GREB1L: variants seen among roughly 807,000 people sequenced by gnomAD.
GREB1L encodes the protein GREB1-like protein.
GREB1L carries 17 observed loss-of-function variants against 200.8 expected under a neutral mutation model. The observed-to-expected ratio is 0.08, with a 90% CI of 0.06 to 0.13. GREB1L has a LOEUF of 0.13. Ranked by LOEUF, GREB1L falls within the 10% of genes least tolerant of loss-of-function variation. The pLI, the probability that GREB1L is intolerant of heterozygous loss-of-function variation, is 1.00. For missense variants in GREB1L, 1,657 were observed against 2,367.7 expected, an observed-to-expected ratio of 0.70 and a Z score of 6.23; for synonymous variants, 789 against 893.0, an observed-to-expected ratio of 0.88 and a Z score of 2.08.
At chr18:21,315,647 A>G (rs1318455433) in intron 1 of GREB1L, among the ~76,000 whole-genome samples, 1 of 152,214 alleles carries the variant, frequency 6.6e-6, no homozygotes, top group African/African-American at 2.4e-5. Flanking sequence ...GGCCCAGGGC[A>G]AGAGGACACA....
chr18:21,332,878 C>T (rs1371566874), intron 1 of GREB1L, among the ~76,000 whole-genome samples: 10 of 151,948 alleles, frequency 6.6e-5, no homozygotes, highest in Admixed American at 5.2e-4. Context: ...CCCAGGAGTT[C>T]GAGACCAGCC....
intron 1 of GREB1L, among the ~76,000 whole-genome samples, chr18:21,323,970 A>G (rs1255735669): frequency 6.6e-6 from 1 of 152,214 alleles, no homozygotes; most frequent in East Asian, 1.9e-4. Context: ...AAACTAACCT[A>G]TGGATACACA....
In GREB1L at chr18:21,499,866, G is replaced by A. The variant is rs778363337; in HGVS notation, c.3529G>A (p.Gly1177Arg). ...GGTCTCCGCCAGCTCAGCTGGAGCC[G>A]GAGCCGGGGAGACTCTGAAGCAGGA... Reference protein sequence around the residue: ...EGVSASSAGAGAGETLKQECD... With the variant: ...EGVSASSAGARAGETLKQECD... Residue 1177 changes from glycine to arginine, a missense_variant, in exon 22 of 33, where the codon GGA becomes AGA. Physicochemically the swap from Gly to Arg is moderately radical, Grantham distance 125. Transcript: ENST00000424526. The A allele has an allele frequency of 1.9e-5, 29 of 1,550,540 alleles. No individual in the cohort carries two copies. The East Asian group carries it at 2.7e-4, about 14-fold the overall frequency.
chr18:21,485,202 A>G (rs888768461), intron 17 of GREB1L, among the ~76,000 whole-genome samples: 1 of 152,234 alleles, frequency 6.6e-6, no homozygotes, highest in Non-Finnish European at 1.5e-5. Flanking sequence ...TTATGAAATG[A>G]TGTCAGAAAA....
At chr18:21,345,020 C>T (rs1200377910) in intron 1 of GREB1L, among the ~76,000 whole-genome samples, 1 of 152,178 alleles carries the variant, frequency 6.6e-6, no homozygotes, top group Admixed American at 6.5e-5. Flanking sequence ...CCTGTACCCA[C>T]CTGCCCCTTT....
chr18:21,360,985 A>G (rs1000162814), intron 1 of GREB1L, among the ~76,000 whole-genome samples: 3 of 152,246 alleles, frequency 2.0e-5, no homozygotes, highest in Non-Finnish European at 4.4e-5. Context: ...TAACAAGGGT[A>G]GAATAAATCA....
intron 25 of GREB1L, among the ~76,000 whole-genome samples, chr18:21,507,549 T>C (rs928312710): frequency 6.6e-6 from 1 of 152,218 alleles, no homozygotes; most frequent in Non-Finnish European, 1.5e-5. Context: ...TGCAGCACTT[T>C]AAATGTAGGT....
chr18:21,507,582 G>A (rs2037066326), intron 25 of GREB1L, among the ~76,000 whole-genome samples: 1 of 152,192 alleles, frequency 6.6e-6, no homozygotes, highest in Non-Finnish European at 1.5e-5. Context: ...TGGCTTCAGT[G>A]AGTCAAATGG....
At chr18:21,413,143 A>G (rs1326043535) in intron 7 of GREB1L, among the ~76,000 whole-genome samples, 3 of 152,006 alleles carry the variant, frequency 2.0e-5, no homozygotes, top group Non-Finnish European at 4.4e-5. Context: ...GCCTTCCAAG[A>G]GTTTAGAGCT....
At position 21,499,820 on chromosome 18, in the gene GREB1L, C is replaced by T; in HGVS notation, c.3483C>T (p.Thr1161=). 6.4e-7 allele frequency: 1 copy of T among 1,551,848 alleles called. No homozygotes were observed. The highest frequency in any genetic ancestry group is 1.4e-5 in the African/African-American group (1 of 73,176). Residue 1161 remains threonine, a synonymous_variant, in exon 22 of 33, where the codon ACC becomes ACT. Coordinates refer to ENST00000424526, the MANE Select transcript of GREB1L (RefSeq NM_001142966.3). ...CCCCCAGCTTTCAGAGCCCAGCCACCAGCTTGGGGCTGGATGAAGGGGTCT... is the reference window on the plus strand; with the variant it reads ...CCCCCAGCTTTCAGAGCCCAGCCACTAGCTTGGGGCTGGATGAAGGGGTCT... The part of the protein sequence containing the change: ...SLTPSFQSPA[T]SLGLDEGVSA...
intron 15 of GREB1L, among the ~76,000 whole-genome samples, chr18:21,470,882 A>T (rs545335674): frequency 6.6e-6 from 1 of 152,278 alleles, no homozygotes; most frequent in East Asian, 1.9e-4. Flanking sequence ...TATCACTTTC[A>T]TTATGAGGAA....
chr18:21,417,990 AAAAAG>A (rs1598798259), intron 7 of GREB1L, among the ~76,000 whole-genome samples: 1 of 151,944 alleles, frequency 6.6e-6, no homozygotes, highest in Non-Finnish European at 1.5e-5. Flanking sequence ...CAAAAAAAAA[AAAAAG>A]AAAAGAAAAA....
intron 10 of GREB1L, among the ~76,000 whole-genome samples, chr18:21,442,767 A>C (rs1331821707): frequency 6.6e-6 from 1 of 151,726 alleles, no homozygotes; most frequent in African/African-American, 2.4e-5. Flanking sequence ...TTAATCAATG[A>C]ATTTAGCTTA....
chr18:21,434,501 G>A (rs7239533), intron 7 of GREB1L, among the ~76,000 whole-genome samples: 5,620 of 35,488 alleles, frequency 0.16, 130 homozygotes, highest in East Asian at 0.4. Context: ...ATATATATAT[G>A]TGTGTGTGTG....
chr18:21,363,271 A>ACCCCCCCCCCC (rs1567951929), intron 1 of GREB1L, among the ~76,000 whole-genome samples: 2 of 7,312 alleles, frequency 2.7e-4, no homozygotes, highest in Non-Finnish European at 2.6e-4. Flanking sequence ...CCCTGCCCCC[A>ACCCCCCCCCCC]CTCCGCCTCC....
At chr18:21,441,766 G>A (rs113194863) in intron 10 of GREB1L, among the ~76,000 whole-genome samples, 3 of 152,120 alleles carry the variant, frequency 2.0e-5, no homozygotes, top group Non-Finnish European at 4.4e-5. Flanking sequence ...GTCTCACCTC[G>A]CATGAGCCAC....
Position 21,242,337 on chromosome 18 carries a change from C to T in GREB1L, c.-176C>T, listed in dbSNP as rs867368397. ...CGGCACTGGGGGTGGGGAGACCAGC[C>T]CGGCCGAGCCGAGGGCCACCCCCTG... On this transcript the variant is annotated 5_prime_UTR_variant, in exon 1 of 33. Transcript: ENST00000424526. 1.3e-5 allele frequency: 2 copies of T among 152,094 alleles called. No homozygotes were observed. Among genetic ancestry groups the T allele is most frequent in the Admixed American group, 6.6e-5 (1 of 15,260 alleles). The allele number at this position is 152,094 out of a possible 1,614,324, so 9.4% of individuals were successfully genotyped here.
In GREB1L at chr18:21,512,389, G is replaced by A. The variant is rs576276437; in HGVS notation, c.4736-1432G>A. On this transcript the variant is annotated intron_variant, in intron 27 of 32. Transcript: ENST00000424526. Reference sequence around the variant, plus strand: ...ATGCTTTGTACTTTTCACTGTACAAGTCTTTTGCCTCCTTAGTTGATTCCT... The same window carrying A: ...ATGCTTTGTACTTTTCACTGTACAAATCTTTTGCCTCCTTAGTTGATTCCT... 5.9e-5 allele frequency among the ~76,000 whole-genome samples: 9 copies of A among 152,242 alleles called. No individual in the cohort carries two copies. The South Asian group carries it at 1.5e-3, about 25-fold the overall frequency.
chr18:21,405,179 AC>A (rs1213189041), intron 7 of GREB1L, among the ~76,000 whole-genome samples: 1 of 152,190 alleles, frequency 6.6e-6, no homozygotes, highest in Non-Finnish European at 1.5e-5. Context: ...AAGAGAATAG[AC>A]CACTTCTCTT....
Sources: allele counts gnomAD v4.1 joint callset (sites outside exome capture counted in the v4.1 genomes callset), GRCh38; gene constraint gnomAD v4.1.1; transcripts MANE v1.5; gene names NCBI Gene and HGNC (gene_info 2026-07-23, HGNC 2026-07-21).